The following MAP1B variants were observed in gnomAD, a reference collection of about 807,000 sequenced individuals.
MAP1B encodes the protein microtubule associated protein 1B.
Under a neutral mutation model 176.1 loss-of-function variants are expected in MAP1B, and 12 were observed. The ratio of observed to expected loss-of-function variants is 0.07; its 90% CI spans 0.04 to 0.11. The LOEUF (loss-of-function observed/expected upper bound fraction) is 0.11. Ranked by LOEUF, MAP1B falls within the 10% of genes least tolerant of loss-of-function variation. The pLI is 1.00. For synonymous variants in MAP1B, 1,044 were observed against 1,135.0 expected (o/e 0.92, Z 1.61); for missense variants, 2,523 against 2,990.5 (o/e 0.84, Z 3.65).
chr5:72,188,399 C>T (rs1182028412), intron 4 of MAP1B, among the ~76,000 whole-genome samples: 4 of 152,198 alleles, frequency 2.6e-5, no homozygotes, highest in Non-Finnish European at 1.5e-5. Flanking sequence ...CTGCTTATAG[C>T]TCATTTGCAT....
chr5:72,195,609 C>A lies in MAP1B; in HGVS notation c.2254C>A (p.Pro752Thr), dbSNP rs373823737. 9 of 1,614,216 alleles carry A rather than the reference C, an allele frequency of 5.6e-6. No homozygotes were observed. The highest frequency in any genetic ancestry group is 1.6e-4 in the Middle Eastern group (1 of 6,062). Residue 752 changes from proline to threonine, a missense_variant, in exon 5 of 7, where the codon CCA becomes ACA. Coordinates refer to ENST00000296755, the MANE Select transcript of MAP1B (RefSeq NM_005909.5). ...TACTCCTCTGTCTGAAGCAAAAAAA[C>A]CAGCTGCTTTAAAACCAAAAGTACC... ...SSTPLSEAKK[P>T]AALKPKVPKK...
At chr5:72,202,017 C>T (rs929267943) in intron 5 of MAP1B, among the ~76,000 whole-genome samples, 1 of 152,154 alleles carries the variant, frequency 6.6e-6, no homozygotes, top group African/African-American at 2.4e-5. Context: ...CTAGCCCACA[C>T]AATTTTTAAA....
chr5:72,187,921 G>A (rs891677974), intron 4 of MAP1B, among the ~76,000 whole-genome samples: 3 of 152,204 alleles, frequency 2.0e-5, no homozygotes, highest in Non-Finnish European at 2.9e-5. Flanking sequence ...GGCGTCATCT[G>A]CATCTTGAAA....
intron 2 of MAP1B, among the ~76,000 whole-genome samples, chr5:72,122,642 T>C (rs1353805797): frequency 2.5e-5 from 3 of 121,126 alleles, no homozygotes; most frequent in South Asian, 4.8e-4. Flanking sequence ...TTCATCTCAC[T>C]TTTTTTTTTT....
intron 2 of MAP1B, among the ~76,000 whole-genome samples, chr5:72,176,210 C>T (rs986805750): frequency 1.1e-4 from 17 of 151,902 alleles, no homozygotes; most frequent in Admixed American, 8.5e-4. Flanking sequence ...CGTGTGTGCA[C>T]GCACACACTC....
chr5:72,180,279 A>ACT (rs993752370), intron 2 of MAP1B, among the ~76,000 whole-genome samples: 5 of 152,180 alleles, frequency 3.3e-5, no homozygotes, highest in African/African-American at 1.2e-4. Flanking sequence ...CGGACACTGC[A>ACT]CTGGCTGATG....
Position 72,196,619 on chromosome 5 carries a change from G to C in MAP1B, c.3264G>C (p.Glu1088Asp). 6.2e-7 allele frequency: 1 copy of C among 1,614,048 alleles called. No homozygotes were observed. Among genetic ancestry groups the C allele is most frequent in the Non-Finnish European group, 8.5e-7 (1 of 1,180,042 alleles). ...GREPASSIHDETLPGGSESEA... is the reference protein window; with the variant it reads ...GREPASSIHDDTLPGGSESEA... ...AACCTGCATCTTCAATTCATGATGA[G>C]ACTTTACCTGGAGGCTCAGAGAGCG... The change falls in exon 5 of 7, where the codon GAG (glutamate) becomes GAC (aspartate). Residue 1088 changes from glutamate to aspartate, a missense_variant. Physicochemically the swap from Glu to Asp is conservative, Grantham distance 45 (BLOSUM62 2). Coordinates refer to ENST00000296755, the MANE Select transcript of MAP1B (RefSeq NM_005909.5). The surrounding 1 kb of genome is among the most constrained non-coding windows in gnomAD (Gnocchi z 5.3).
chr5:72,145,174 A>G (rs944091704), intron 2 of MAP1B, among the ~76,000 whole-genome samples: 1 of 152,166 alleles, frequency 6.6e-6, no homozygotes, highest in African/African-American at 2.4e-5. Flanking sequence ...GTCTTTAAAG[A>G]CAGTGATAGA....
chr5:72,169,980 C>A (rs1394410243), intron 2 of MAP1B, among the ~76,000 whole-genome samples: 3 of 152,168 alleles, frequency 2.0e-5, no homozygotes, highest in African/African-American at 7.2e-5. Context: ...ACAGTAAATT[C>A]TATCACCAAA....
chr5:72,194,446 A>G lies in MAP1B; in HGVS notation c.1091A>G (p.Asn364Ser). The G allele has an allele frequency of 6.2e-7, 1 of 1,614,054 alleles. No individual in the cohort carries two copies. ...GTTGTATTTCTCAATGTACCTGAAA[A>G]TCTCAAAAATCCAGAGCCAAACATC... ...LGVVFLNVPENLKNPEPNIKM... is the reference protein window; with the variant it reads ...LGVVFLNVPESLKNPEPNIKM... The change falls in exon 5 of 7, where the codon AAT (asparagine) becomes AGT (serine). Residue 364 changes from asparagine (N) to serine (S), a missense_variant. Coordinates refer to ENST00000296755, the MANE Select transcript of MAP1B (RefSeq NM_005909.5). This position sits in a 1 kb window ranked among gnomAD's most constrained non-coding sequence, Gnocchi z 7.2.
Position 72,195,856 on chromosome 5 carries a change from A to C in MAP1B, c.2501A>C (p.Glu834Ala). Residue 834 changes from glutamate (E) to alanine (A), a missense_variant, in exon 5 of 7, where the codon GAG becomes GCG. Coordinates refer to ENST00000296755, the MANE Select transcript of MAP1B (RefSeq NM_005909.5). ...GAGAGGTCCCTTATGTCATCTCCTG[A>C]GGATCTAACCAAGGACTTTGAAGAG... ...EAERSLMSSP[E>A]DLTKDFEELK... 1 of 1,614,250 alleles carries C rather than the reference A, an allele frequency of 6.2e-7. No individual in the cohort carries two copies. Among genetic ancestry groups the C allele is most frequent in the Non-Finnish European group, 8.5e-7 (1 of 1,180,038 alleles).
chr5:72,122,901 T>C (rs1473906479), intron 2 of MAP1B, among the ~76,000 whole-genome samples: 1 of 152,194 alleles, frequency 6.6e-6, no homozygotes, highest in Non-Finnish European at 1.5e-5. Context: ...GCTTTTGTCT[T>C]CATCTCCAGA....
At chr5:72,203,254 G>T (rs191345026) in intron 5 of MAP1B, among the ~76,000 whole-genome samples, 12 of 152,274 alleles carry the variant, frequency 7.9e-5, no homozygotes, top group Admixed American at 7.8e-4. Context: ...ATTATATCTA[G>T]TGCCATCTTG....
intron 2 of MAP1B, 88 bp downstream of exon 2, chr5:72,115,887 T>A: frequency 3.4e-6 from 3 of 891,472 alleles, no homozygotes; most frequent in Non-Finnish European, 5.6e-6. Flanking sequence ...GCAAAAAGAC[T>A]CTCTTATTGC....
intron 2 of MAP1B, among the ~76,000 whole-genome samples, chr5:72,118,683 A>C (rs994745836): frequency 6.6e-6 from 1 of 152,146 alleles, no homozygotes; most frequent in Admixed American, 6.5e-5. Flanking sequence ...CCTGGGCTCT[A>C]GCAATCCACC....
chr5:72,202,478 T>C (rs1291774457), intron 5 of MAP1B, among the ~76,000 whole-genome samples: 1 of 152,242 alleles, frequency 6.6e-6, no homozygotes, highest in Admixed American at 6.5e-5. Flanking sequence ...TAGAATTAGC[T>C]GGTGGTTTTC....
chr5:72,190,783 A>G (rs371930510), intron 4 of MAP1B, among the ~76,000 whole-genome samples: 5 of 152,316 alleles, frequency 3.3e-5, no homozygotes, highest in African/African-American at 9.6e-5. Context: ...CAGGGGTCCT[A>G]TTAAATGTCT....
Position 72,198,465 on chromosome 5 carries a change from C to T in MAP1B, c.5110C>T (p.Pro1704Ser). 1 of 1,613,906 alleles carries T rather than the reference C, an allele frequency of 6.2e-7. No homozygotes were observed. Residue 1704 changes from proline to serine, a missense_variant, in exon 5 of 7, where the codon CCA (proline) becomes TCA (serine). Physicochemically the swap from Pro to Ser is moderately conservative, Grantham distance 74. Coordinates refer to ENST00000296755, the MANE Select transcript of MAP1B (RefSeq NM_005909.5). ...MQDSSLSHKIPPMEEPSYTQD... is the reference protein window; with the variant it reads ...MQDSSLSHKISPMEEPSYTQD... ...GGACTCCAGTTTATCACATAAGATA[C>T]CACCTATGGAGGAGCCGTCCTACAC...
At chr5:72,116,546 A>G (rs1466343) in intron 2 of MAP1B, 220,020 of 328,916 alleles carry the variant, frequency 0.67, 75,024 homozygotes, top group Middle Eastern at 0.75. Context: ...CTGGCGCTGG[A>G]GATGTATTCA....
Sources: allele counts gnomAD v4.1 joint callset (sites outside exome capture counted in the v4.1 genomes callset), GRCh38; gene constraint gnomAD v4.1.1; non-coding constraint Gnocchi (gnomAD v3.1); transcripts MANE v1.5; gene names NCBI Gene and HGNC (gene_info 2026-07-23, HGNC 2026-07-21).